Variants in PKHD1 observed in about 807,000 individuals in gnomAD.
PKHD1 encodes the protein fibrocystin.
PKHD1 carries 291 observed loss-of-function variants against 412.0 expected under a neutral mutation model. That is an observed-to-expected ratio of 0.71 (90% CI 0.64 to 0.78). The LOEUF is 0.78. Ranked by LOEUF, PKHD1 falls within the 30% of genes least tolerant of loss-of-function variation. The probability of loss-of-function intolerance (pLI) is 0.00; values close to 1 mark genes in which losing one functional copy is unlikely to be tolerated. For synonymous variants in PKHD1, 1,777 were observed against 1,821.5 expected (o/e 0.98, Z 0.62); for missense variants, 4,825 against 4,950.7 (o/e 0.97, Z 0.76).
chr6:52,047,061 T>C (rs1805958969), intron 23 of PKHD1, among the ~76,000 whole-genome samples: 1 of 152,252 alleles, frequency 6.6e-6, no homozygotes, highest in African/African-American at 2.4e-5. Context: ...TCTACATTTA[T>C]ACAGAGTTTC....
In PKHD1 at chr6:52,033,126, C is replaced by T. The variant is rs1195832271; in HGVS notation, c.3268G>A (p.Gly1090Arg). ...GRIVNVTVIR[G>R]DYSAVLPRAF... ...CTGGGAAGAACTGCAGAATAGTCCC[C>T]TCTGATCACAGTCACATTCACAATG... The change falls in exon 29 of 67, where the codon GGG (glycine) becomes AGG (arginine). Residue 1090 changes from glycine (G) to arginine (R), a missense_variant. Transcript: ENST00000371117. 4 of 1,611,990 alleles carry T rather than the reference C, an allele frequency of 2.5e-6. No homozygotes were observed. The highest frequency in any genetic ancestry group is 1.1e-5 in the South Asian group (1 of 91,028).
intron 43 of PKHD1, among the ~76,000 whole-genome samples, chr6:51,897,633 A>T (rs1178861962): frequency 6.8e-6 from 1 of 146,094 alleles, no homozygotes; most frequent in African/African-American, 2.6e-5. Flanking sequence ...AGCTAACATC[A>T]TAATGACAGG....
chr6:51,653,607 T>A (rs938085836), intron 61 of PKHD1, among the ~76,000 whole-genome samples: 1 of 152,136 alleles, frequency 6.6e-6, no homozygotes, highest in Non-Finnish European at 1.5e-5. Flanking sequence ...TCCATGGAAT[T>A]ATTCATTTAA....
Position 51,992,556 on chromosome 6 carries a change from A to G in PKHD1, c.5751+17753T>C, listed in dbSNP as rs567108559. ...GCATGGCTCTCCCAATTTCCACACA[A>G]TTTCCTTGTGGAGAAGCCACCAGTA... On this transcript the variant is annotated intron_variant, in intron 35 of 66. Coordinates refer to ENST00000371117, the MANE Select transcript of PKHD1 (RefSeq NM_138694.4). 2.1e-4 allele frequency among the ~76,000 whole-genome samples: 32 copies of G among 152,296 alleles called. No individual in the cohort carries two copies. The South Asian group carries it at 6.2e-3, about 30-fold the overall frequency.
chr6:52,019,990 C>T (rs1801165042), intron 33 of PKHD1, among the ~76,000 whole-genome samples: 1 of 152,026 alleles, frequency 6.6e-6, no homozygotes, highest in South Asian at 2.1e-4. Flanking sequence ...GTGGCACAGG[C>T]ATAAACAAAA....
chr6:52,043,114 T>C lies in PKHD1; in HGVS notation c.2842A>G (p.Ile948Val), dbSNP rs1805189889. Residue 948 changes from isoleucine to valine, a missense_variant, in exon 27 of 67, where the codon ATT (isoleucine) becomes GTT (valine). Physicochemically the swap from Ile to Val is conservative, Grantham distance 29. Coordinates refer to ENST00000371117, the MANE Select transcript of PKHD1 (RefSeq NM_138694.4). ...YSIDGDINLM[I>V]YITGTGFSGD... ...GAGAAACCAGTTCCGGTAATGTAAATCATTAGGTTGATGTCACCATCTTAA... is the reference window on the plus strand; with the variant it reads ...GAGAAACCAGTTCCGGTAATGTAAACCATTAGGTTGATGTCACCATCTTAA... 2 of 1,612,986 alleles carry C rather than the reference T, an allele frequency of 1.2e-6. No individual in the cohort carries two copies. The highest frequency in any genetic ancestry group is 2.7e-5 in the African/African-American group (2 of 74,992).
intron 55 of PKHD1, among the ~76,000 whole-genome samples, chr6:51,763,142 GA>G (rs1788331717): frequency 6.6e-6 from 1 of 152,006 alleles, no homozygotes; most frequent in Non-Finnish European, 1.5e-5. Flanking sequence ...AAATCAGGGT[GA>G]AAAATCCAGC....
intron 21 of PKHD1, among the ~76,000 whole-genome samples, chr6:52,052,342 T>C (rs1195482491): frequency 4.6e-5 from 7 of 152,140 alleles, no homozygotes; most frequent in Non-Finnish European, 7.4e-5. Context: ...GAGGAGGACT[T>C]TGTCCCTAAG....
chr6:51,746,733 G>T lies in PKHD1; in HGVS notation c.9986C>A (p.Ser3329Ter). 6.2e-7 allele frequency: 1 copy of T among 1,603,134 alleles called. No individual in the cohort carries two copies. Reference sequence around the variant, plus strand: ...CTAAAAATTATACCTGGGTTGTAATGAAGGAAAGTAGAACTTGTTTTTATC... The same window carrying T: ...CTAAAAATTATACCTGGGTTGTAATTAAGGAAAGTAGAACTTGTTTTTATC... The part of the protein sequence containing the change: ...IKDKNKFYFP[S>*]LQPRKDLGKV... The change falls in exon 59 of 67, where the codon TCA becomes TAA. Residue 3329 changes from serine to a stop codon, truncating the protein, a stop_gained. Coordinates refer to ENST00000371117, the MANE Select transcript of PKHD1 (RefSeq NM_138694.4). LOFTEE classifies it high-confidence loss of function.
intron 36 of PKHD1, among the ~76,000 whole-genome samples, chr6:51,941,207 C>G (rs916409976): frequency 1.4e-5 from 2 of 141,252 alleles, no homozygotes; most frequent in Non-Finnish European, 3.1e-5. Flanking sequence ...GGATTAAAGC[C>G]TGTTATCACT....
At chr6:52,066,184 T>C in intron 11 of PKHD1, 107 bp from the exon 12 acceptor site, 1 of 635,952 alleles carries the variant, frequency 1.6e-6, no homozygotes, top group Non-Finnish European at 2.8e-6. Flanking sequence ...TACTTTAACT[T>C]TCTAAGTCCA....
intron 60 of PKHD1, among the ~76,000 whole-genome samples, chr6:51,715,098 A>C (rs1441922103): frequency 6.6e-6 from 1 of 152,162 alleles, no homozygotes; most frequent in African/African-American, 2.4e-5. Flanking sequence ...CCCATGACGG[A>C]ACACAGAAGA....
intron 34 of PKHD1, among the ~76,000 whole-genome samples, chr6:52,015,924 T>C (rs1581755501): frequency 6.6e-6 from 1 of 152,196 alleles, no homozygotes; most frequent in Non-Finnish European, 1.5e-5. Flanking sequence ...AAAGCTATAC[T>C]GTCAATGCGT....
intron 59 of PKHD1, among the ~76,000 whole-genome samples, chr6:51,744,833 A>G (rs1391665565): frequency 6.6e-6 from 1 of 152,162 alleles, no homozygotes; most frequent in Non-Finnish European, 1.5e-5. Context: ...TCCTCTCATA[A>G]CAACTGAACA....
intron 16 of PKHD1, among the ~76,000 whole-genome samples, chr6:52,057,485 C>T (rs941281818): frequency 5.3e-5 from 8 of 152,022 alleles, no homozygotes; most frequent in African/African-American, 1.9e-4. Flanking sequence ...GGCGTGATGC[C>T]GGCTCACTGC....
At chr6:51,623,678 G>A (rs544728384) in intron 66 of PKHD1, among the ~76,000 whole-genome samples, 1 of 152,212 alleles carries the variant, frequency 6.6e-6, no homozygotes, top group Non-Finnish European at 1.5e-5. Context: ...CCACCTCCTG[G>A]TTTCAAGCAA....
chr6:51,889,400 C>G (rs1778756553), intron 43 of PKHD1, among the ~76,000 whole-genome samples: 1 of 152,194 alleles, frequency 6.6e-6, no homozygotes, highest in Admixed American at 6.5e-5. Context: ...CCCCTTGGAA[C>G]AGTTTCTTAA....
At chr6:51,835,232 C>T (rs1457304660) in intron 51 of PKHD1, among the ~76,000 whole-genome samples, 2 of 152,128 alleles carry the variant, frequency 1.3e-5, no homozygotes, top group Non-Finnish European at 2.9e-5. Flanking sequence ...GATGGTTGAA[C>T]CAAGAATGGC....
chr6:52,000,986 T>C (rs562566711), intron 35 of PKHD1, among the ~76,000 whole-genome samples: 1 of 152,300 alleles, frequency 6.6e-6, no homozygotes, highest in Non-Finnish European at 1.5e-5. Context: ...ATTAGATATA[T>C]TTTTATTTAT....
Sources: gnomAD v4.1 joint callset for allele counts (sites outside exome capture counted in the v4.1 genomes callset) on GRCh38, gnomAD v4.1.1 for gene constraint, MANE v1.5 for transcripts, NCBI Gene and HGNC (gene_info 2026-07-23, HGNC 2026-07-21) for gene names.